ARL15: variants seen among roughly 807,000 people sequenced by gnomAD.
ARL15 encodes ARF like GTPase 15, also known as ADP-ribosylation factor-like protein 15.
ARL15 carries 19 observed loss-of-function variants against 25.2 expected under a neutral mutation model. The observed-to-expected ratio is 0.75, with a 90% CI of 0.53 to 1.10. The LOEUF (loss-of-function observed/expected upper bound fraction) is 1.10. ARL15 is among the 50% of genes least tolerant of loss of function. ARL15 has a pLI of 0.00. For synonymous variants in ARL15, 94 were observed against 86.8 expected (o/e 1.08, Z -0.46); for missense variants, 220 against 246.0 (o/e 0.89, Z 0.71).
chr5:54,051,178 C>A (rs1228088933), intron 4 of ARL15, among the ~76,000 whole-genome samples: 9 of 152,312 alleles, frequency 5.9e-5, no homozygotes, highest in Non-Finnish European at 1.0e-4. Context: ...AAGTCTCCAG[C>A]ACTTGCTTGA....
intron 1 of ARL15, among the ~76,000 whole-genome samples, chr5:54,188,614 A>C (rs1039978140): frequency 2.6e-5 from 4 of 152,206 alleles, no homozygotes; most frequent in Admixed American, 6.6e-5. Flanking sequence ...TGAGAGGATC[A>C]GGGCTCACTT....
At chr5:54,176,685 A>C (rs1579876240) in intron 1 of ARL15, among the ~76,000 whole-genome samples, 1 of 152,124 alleles carries the variant, frequency 6.6e-6, no homozygotes, top group Admixed American at 6.5e-5. Flanking sequence ...AGCCTCATAA[A>C]CCTATCCATG....
intron 4 of ARL15, among the ~76,000 whole-genome samples, chr5:54,015,538 A>T (rs903539825): frequency 2.6e-5 from 4 of 152,164 alleles, no homozygotes; most frequent in Admixed American, 6.5e-5. Context: ...ATGATTACGG[A>T]TATTAGACTC....
intron 1 of ARL15, among the ~76,000 whole-genome samples, chr5:54,196,745 CTG>C (rs1349220449): frequency 2.0e-5 from 3 of 151,866 alleles, no homozygotes; most frequent in Non-Finnish European, 2.9e-5. Flanking sequence ...AAATATAAAA[CTG>C]TGATTAAACA....
At chr5:53,998,687 C>T (rs79510537) in intron 4 of ARL15, among the ~76,000 whole-genome samples, 7,196 of 152,132 alleles carry the variant, frequency 0.047, 229 homozygotes, top group Middle Eastern at 0.088. Flanking sequence ...GGAGAGAAGC[C>T]GTTCAATATT....
At chr5:53,999,521 G>T (rs575365686) in intron 4 of ARL15, among the ~76,000 whole-genome samples, 5 of 152,198 alleles carry the variant, frequency 3.3e-5, no homozygotes, top group Non-Finnish European at 5.9e-5. Context: ...AACCCGGGAG[G>T]TGGAGGGTGC....
intron 4 of ARL15, among the ~76,000 whole-genome samples, chr5:53,891,084 T>C (rs1580052998): frequency 6.6e-6 from 1 of 152,218 alleles, no homozygotes; most frequent in South Asian, 2.1e-4. Flanking sequence ...GTAAACAGTT[T>C]TGAACTTCAA....
rs1744501104 is a variant in ARL15, at chr5:53,885,665, CT to C, written c.*895del. On this transcript the variant is annotated 3_prime_UTR_variant, in exon 5 of 5. Transcript: ENST00000504924. ...TAAACCCTAACCAGTATAAATTATACTTTTTCTGGCTGTTTTTAAAATTTTT... is the reference window on the plus strand; with the variant it reads ...TAAACCCTAACCAGTATAAATTATACTTTTCTGGCTGTTTTTAAAATTTTT... The C allele has an allele frequency of 6.6e-6, 1 of 152,490 alleles. No individual in the cohort carries two copies. The highest frequency in any genetic ancestry group is 2.4e-5 in the African/African-American group (1 of 41,430). 9.4% of individuals were successfully genotyped at this position (152,490 alleles called of 1,614,324 possible).
chr5:54,039,172 C>T (rs1157545625), intron 4 of ARL15, among the ~76,000 whole-genome samples: 3 of 152,116 alleles, frequency 2.0e-5, no homozygotes, highest in African/African-American at 4.8e-5. Context: ...AGGCATCCAC[C>T]TACTCAACTA....
intron 1 of ARL15, among the ~76,000 whole-genome samples, chr5:54,238,100 C>T (rs970499099): frequency 5.9e-5 from 9 of 152,134 alleles, no homozygotes; most frequent in African/African-American, 2.2e-4. Flanking sequence ...CTTTCCATAT[C>T]ACTAACTCCC....
intron 1 of ARL15, among the ~76,000 whole-genome samples, chr5:54,269,155 G>A (rs1757709989): frequency 6.6e-6 from 1 of 151,670 alleles, no homozygotes; most frequent in African/African-American, 2.4e-5. Context: ...ACACCAGCAT[G>A]GCACATGTAT....
chr5:53,886,850 G>C, intron 4 of ARL15, 137 bp from the exon 5 acceptor site: 1 of 772,458 alleles, frequency 1.3e-6, no homozygotes, highest in South Asian at 1.8e-5. Flanking sequence ...TTTGCAATGT[G>C]GATGCCTGTC....
rs2111875892 is a variant in ARL15 at position 53,886,495 on chromosome 5, A to C, written c.*66T>G. ...CAATATAGTCTTGATACCAAAATAA[A>C]ATTAAAATGAGAAACTAACATGATA... On this transcript the variant is annotated 3_prime_UTR_variant, in exon 5 of 5. Transcript: ENST00000504924. The C allele has an allele frequency of 6.7e-7, 1 of 1,493,478 alleles. No individual in the cohort carries two copies. The highest frequency in any genetic ancestry group is 8.9e-7 in the Non-Finnish European group (1 of 1,121,668). The allele number at this position is 1,493,478 out of a possible 1,614,324, so 92.5% of individuals were successfully genotyped here.
Position 54,310,452 on chromosome 5 carries a change from A to G in ARL15, c.28T>C (p.Phe10Leu), listed in dbSNP as rs1758867904. 1.2e-6 allele frequency: 2 copies of G among 1,609,976 alleles called. No homozygotes were observed. The highest frequency in any genetic ancestry group is 1.7e-6 in the Non-Finnish European group (2 of 1,178,400). ...CCTACCAGATAATCCATGTACAGAA[A>G]CGCCTCAGTTATTCGGAGATCAGAC... MSDLRITEA[F>L]LYMDYLCFRA... The change falls in exon 1 of 5, where the codon TTT becomes CTT. Residue 10 changes from phenylalanine to leucine, a missense_variant. Physicochemically the swap from Phe to Leu is conservative, Grantham distance 22. Coordinates refer to ENST00000504924, the MANE Select transcript of ARL15 (RefSeq NM_019087.3).
At chr5:54,131,917 A>C (rs1753451399) in intron 3 of ARL15, among the ~76,000 whole-genome samples, 2 of 152,044 alleles carry the variant, frequency 1.3e-5, no homozygotes, top group African/African-American at 2.4e-5. Flanking sequence ...AAAAAAAAAA[A>C]TTCTAGCCAA....
At chr5:53,898,533 C>A (rs1744946020) in intron 4 of ARL15, among the ~76,000 whole-genome samples, 1 of 151,998 alleles carries the variant, frequency 6.6e-6, no homozygotes, top group Non-Finnish European at 1.5e-5. Flanking sequence ...TAGTTTGCAC[C>A]CTTCTAGGAA....
At chr5:54,008,201 G>A (rs1440492735) in intron 4 of ARL15, among the ~76,000 whole-genome samples, 2 of 152,184 alleles carry the variant, frequency 1.3e-5, no homozygotes, top group Non-Finnish European at 2.9e-5. Context: ...ACATGTAAGA[G>A]TGAGGAGAGA....
At chr5:53,999,440 A>C (rs770848408) in intron 4 of ARL15, among the ~76,000 whole-genome samples, 4 of 151,882 alleles carry the variant, frequency 2.6e-5, no homozygotes, top group Admixed American at 6.5e-5. Context: ...AATACAAAAA[A>C]TTAGCCAGGT....
chr5:54,171,664 TTAAAA>T (rs763499492), intron 2 of ARL15, 115 bp downstream of exon 2: 102 of 1,212,154 alleles, frequency 8.4e-5, no homozygotes, highest in Non-Finnish European at 1.1e-4. Flanking sequence ...GTGTTTAAAA[TTAAAA>T]TAAACTGATT....
Sources: allele counts gnomAD v4.1 joint callset (sites outside exome capture counted in the v4.1 genomes callset), GRCh38; gene constraint gnomAD v4.1.1; transcripts MANE v1.5; gene names NCBI Gene and HGNC (gene_info 2026-07-23, HGNC 2026-07-21).